NPIPB8: variants seen among roughly 807,000 people sequenced by gnomAD.
The protein encoded by NPIPB8 is nuclear pore complex-interacting protein family member B8.
NPIPB8 carries 3 observed loss-of-function variants against 5.3 expected under a neutral mutation model. That is an observed-to-expected ratio of 0.57 (90% CI 0.26 to 1.47). The LOEUF is 1.47. Among genes scored for constraint, NPIPB8 ranks in the 40% most tolerant of loss-of-function variants. The pLI, the probability that NPIPB8 is intolerant of heterozygous loss-of-function variation, is 0.13. For synonymous variants in NPIPB8, 18 were observed against 23.0 expected (o/e 0.78, Z 0.62); for missense variants, 50 against 50.2 (o/e 1.00, Z 0.01).
Position 28,643,069 on chromosome 16 carries a change from G to A in NPIPB8, c.120+4589G>A, listed in dbSNP as rs549318470. 7.4e-4 allele frequency among the ~76,000 whole-genome samples: 112 copies of A among 151,888 alleles called. 2 individuals carry two copies. The highest frequency in any genetic ancestry group is 2.3e-3 in the African/African-American group (97 of 41,434). On this transcript the variant is annotated intron_variant, in intron 2 of 7. Coordinates refer to ENST00000683297, the MANE Select transcript of NPIPB8 (RefSeq NM_001310136.2). ...TCTGTCCTGGTCACCAGACCCCTGG[G>A]TCCTGCCCACCTGCTTGGAGCTCCC...
In NPIPB8 at chr16:28,639,772, C is replaced by T. The variant is rs554581963; in HGVS notation, c.120+1292C>T. Among the ~76,000 whole-genome samples the T allele has an allele frequency of 9.3e-4, 141 of 150,832 alleles. 1 individual carries two copies. Among genetic ancestry groups the T allele is most frequent in the African/African-American group, 3.2e-3 (131 of 40,740 alleles). On this transcript the variant is annotated intron_variant, in intron 2 of 7. Transcript: ENST00000683297. ...CCCGTCCAAGATAAAATTATTTTAA[C>T]AATATACTATGAAGAGAAAAACACT...
At chr16:28,639,444 C>CACACAT (rs1452819801) in intron 2 of NPIPB8, among the ~76,000 whole-genome samples, 8 of 116,960 alleles carry the variant, frequency 6.8e-5, no homozygotes, top group African/African-American at 3.1e-4. Context: ...CACACACACA[C>CACACAT]ATATATATAT....
chr16:28,639,457 T>TATATA (rs1476845046), intron 2 of NPIPB8, among the ~76,000 whole-genome samples: 6 of 85,312 alleles, frequency 7.0e-5, no homozygotes, highest in African/African-American at 1.3e-4. Flanking sequence ...ATATATATAT[T>TATATA]TTTTTTTTTT....
chr16:28,642,316 G>A (rs567163761), intron 2 of NPIPB8, among the ~76,000 whole-genome samples: 272 of 152,098 alleles, frequency 1.8e-3, no homozygotes, highest in African/African-American at 6.1e-3. Flanking sequence ...ATGTTGGTCA[G>A]GCTGGTCTCG....
chr16:28,639,444 C>CACACATATAT lies in NPIPB8; in HGVS notation c.120+965_120+966insCACATATATA, dbSNP rs1452819801. On this transcript the variant is annotated intron_variant, in intron 2 of 7. Transcript: ENST00000683297. ...ACACACACAGACACACACACACACA[C>CACACATATAT]ATATATATATATTTTTTTTTTTTTT... is the stretch of plus-strand genomic sequence containing the variant. Among the ~76,000 whole-genome samples the CACACATATAT allele has an allele frequency of 7.7e-5, 9 of 116,970 alleles. No individual in the cohort carries two copies. The East Asian group carries it at 9.4e-4, about 12-fold the overall frequency. 76.7% of individuals were successfully genotyped at this position (116,970 alleles called of 152,430 possible).
In NPIPB8 at chr16:28,642,592, C is replaced by A. The variant is rs768587825; in HGVS notation, c.120+4112C>A. On this transcript the variant is annotated intron_variant, in intron 2 of 7. Transcript: ENST00000683297. ...CTCTGCCTCCCGGGTTCAAACTATT[C>A]TCCTGCCTCAGCCTCCCAAGTAGGT... 2.5e-3 allele frequency among the ~76,000 whole-genome samples: 376 copies of A among 151,228 alleles called. 3 individuals are homozygous for A. Among genetic ancestry groups the A allele is most frequent in the Middle Eastern group, 3.4e-3 (1 of 292 alleles).
intron 2 of NPIPB8, among the ~76,000 whole-genome samples, chr16:28,642,895 T>A (rs2047929840): frequency 6.6e-6 from 1 of 152,192 alleles, no homozygotes; most frequent in Admixed American, 6.5e-5. Flanking sequence ...AATAACCTTA[T>A]GTCATAGTAA....
intron 2 of NPIPB8, among the ~76,000 whole-genome samples, chr16:28,640,713 C>A (rs933623023): frequency 1.3e-4 from 20 of 152,082 alleles, no homozygotes; most frequent in Non-Finnish European, 5.9e-5. Context: ...TGGAGTTTGT[C>A]CCAGAGCTGC....
intron 2 of NPIPB8, among the ~76,000 whole-genome samples, chr16:28,642,118 T>A (rs1286726961): frequency 6.6e-6 from 1 of 151,552 alleles, no homozygotes. Context: ...TTTTTTTTTT[T>A]GAGACAGAGT....
chr16:28,653,072 ATTT>A (rs573542449), intron 5 of NPIPB8, among the ~76,000 whole-genome samples: 1 of 72,688 alleles, frequency 1.4e-5, no homozygotes, highest in Non-Finnish European at 2.9e-5. Flanking sequence ...CATTCGGCCA[ATTT>A]TTTTTTTTTT....
chr16:28,642,516 G>T (rs562709903), intron 2 of NPIPB8, among the ~76,000 whole-genome samples: 12 of 149,416 alleles, frequency 8.0e-5, no homozygotes, highest in Admixed American at 2.0e-4. Flanking sequence ...ACAGAGTCTC[G>T]CTCTGTCGCC....
chr16:28,643,124 T>C (rs2047936019), intron 2 of NPIPB8, among the ~76,000 whole-genome samples: 1 of 150,934 alleles, frequency 6.6e-6, no homozygotes, highest in Non-Finnish European at 1.5e-5. Flanking sequence ...TGCCAAGCCC[T>C]CTGGGTATTG....
intron 3 of NPIPB8, among the ~76,000 whole-genome samples, chr16:28,651,669 G>T (rs1423460013): frequency 4.4e-5 from 4 of 90,256 alleles, no homozygotes; most frequent in Non-Finnish European, 6.5e-5. Context: ...TCATTCTGTC[G>T]CTCAGGCTGG....
At chr16:28,639,871 T>G (rs923280006) in intron 2 of NPIPB8, among the ~76,000 whole-genome samples, 2 of 150,444 alleles carry the variant, frequency 1.3e-5, no homozygotes, top group Non-Finnish European at 2.9e-5. Flanking sequence ...CAAATAAGTT[T>G]ACTTTTATTT....
intron 2 of NPIPB8, chr16:28,644,608 C>A (rs757667679): frequency 2.0e-6 from 3 of 1,503,446 alleles, no homozygotes; most frequent in Non-Finnish European, 1.8e-6. Flanking sequence ...GCGCTTTTGG[C>A]TCCTCATTTG....
At chr16:28,644,525 C>A in intron 2 of NPIPB8, 1 of 1,337,084 alleles carries the variant, frequency 7.5e-7, no homozygotes, top group Non-Finnish European at 9.8e-7. Context: ...CCTTCCCTCC[C>A]CCCTGCCCTA....
chr16:28,642,199 G>A (rs1390577177), intron 2 of NPIPB8, among the ~76,000 whole-genome samples: 6 of 150,942 alleles, frequency 4.0e-5, no homozygotes, highest in South Asian at 2.1e-4. Flanking sequence ...TCCGCCTCCC[G>A]GGCCCAAGGG....
intron 2 of NPIPB8, among the ~76,000 whole-genome samples, chr16:28,642,000 A>C (rs2047905383): frequency 6.7e-6 from 1 of 149,290 alleles, no homozygotes; most frequent in South Asian, 2.1e-4. Context: ...GCAACCCTTC[A>C]TGGACATTAT....
chr16:28,647,525 G>A, intron 2 of NPIPB8, among the ~76,000 whole-genome samples: 1 of 81,174 alleles, frequency 1.2e-5, no homozygotes. Flanking sequence ...CACTTTGGGA[G>A]GCCGAGGCAG....
Sources: gnomAD v4.1 joint callset for allele counts (sites outside exome capture counted in the v4.1 genomes callset) on GRCh38, gnomAD v4.1.1 for gene constraint, MANE v1.5 for transcripts, NCBI Gene and HGNC (gene_info 2026-07-23, HGNC 2026-07-21) for gene names.